Variants in LINGO2 observed in about 807,000 individuals in gnomAD.
The protein encoded by LINGO2 is leucine rich repeat and Ig domain containing 2.
In LINGO2, 14 loss-of-function variants were observed where a neutral mutation model predicts 30.6. The ratio of observed to expected loss-of-function variants is 0.46; its 90% CI spans 0.30 to 0.72. The LOEUF is 0.72. Among genes scored for constraint, LINGO2 ranks in the 30% least tolerant of loss-of-function variants. The pLI, the probability that LINGO2 is intolerant of heterozygous loss-of-function variation, is 0.07. For synonymous variants in LINGO2, 317 were observed against 288.5 expected, an observed-to-expected ratio of 1.10 and a Z score of -1.00; for missense variants, 729 against 751.7, an observed-to-expected ratio of 0.97 and a Z score of 0.35.
At chr9:28,263,666 C>T (rs1241515724) in intron 4 of LINGO2, among the ~76,000 whole-genome samples, 1 of 151,952 alleles carries the variant, frequency 6.6e-6, no homozygotes, top group Non-Finnish European at 1.5e-5. Flanking sequence ...GTCATAGCCA[C>T]GTATGTAGTG....
At chr9:28,026,501 T>TCA in intron 4 of LINGO2, among the ~76,000 whole-genome samples, 1 of 152,306 alleles carries the variant, frequency 6.6e-6, no homozygotes, top group Non-Finnish European at 1.5e-5. Context: ...GGTGCTGTAG[T>TCA]CACACTTTGA....
intron 3 of LINGO2, among the ~76,000 whole-genome samples, chr9:28,298,014 G>A (rs902502782): frequency 6.6e-6 from 1 of 152,140 alleles, no homozygotes; most frequent in Non-Finnish European, 1.5e-5. Context: ...TTAAATGCAT[G>A]TATTCTCCTT....
At chr9:29,072,609 T>A in the LINGO2 span, among the ~76,000 whole-genome samples, 1 of 118,322 alleles carries the variant, frequency 8.5e-6, no homozygotes, top group South Asian at 2.9e-4. Context: ...TATGTCTCTC[T>A]TTGATATATA....
chr9:28,439,616 T>C (rs1237889061), intron 2 of LINGO2, among the ~76,000 whole-genome samples: 2 of 152,066 alleles, frequency 1.3e-5, no homozygotes, highest in Admixed American at 6.6e-5. Context: ...CCCTTCACTC[T>C]CTCATCCTCC....
At chr9:29,014,357 C>G in the LINGO2 span, among the ~76,000 whole-genome samples, 4 of 152,276 alleles carry the variant, frequency 2.6e-5, no homozygotes, top group East Asian at 7.7e-4. Context: ...GACACCACTG[C>G]ACTTGCCTAT....
the LINGO2 span, among the ~76,000 whole-genome samples, chr9:29,044,378 T>C: frequency 6.6e-6 from 1 of 152,034 alleles, no homozygotes; most frequent in Non-Finnish European, 1.5e-5. Flanking sequence ...CATTAGTCTA[T>C]AGCAATAACC....
the LINGO2 span, among the ~76,000 whole-genome samples, chr9:28,778,333 T>C: frequency 6.6e-6 from 1 of 152,300 alleles, no homozygotes; most frequent in South Asian, 2.1e-4. Flanking sequence ...TGATTTTTTT[T>C]CTTATCAGTA....
At chr9:28,626,753 T>A (rs1826698130) in intron 1 of LINGO2, among the ~76,000 whole-genome samples, 1 of 152,046 alleles carries the variant, frequency 6.6e-6, no homozygotes. Flanking sequence ...CTTCACTGAT[T>A]GTTTTTTTCT....
chr9:29,030,882 C>T, the LINGO2 span, among the ~76,000 whole-genome samples: 1 of 152,116 alleles, frequency 6.6e-6, no homozygotes, highest in Non-Finnish European at 1.5e-5. Flanking sequence ...ATTTTTAAAA[C>T]ATTTAACATG....
intron 2 of LINGO2, among the ~76,000 whole-genome samples, chr9:28,423,162 T>C (rs1823272365): frequency 6.6e-6 from 1 of 152,224 alleles, no homozygotes; most frequent in African/African-American, 2.4e-5. Flanking sequence ...TACTTAAAAA[T>C]GGTTAAGGTG....
At chr9:28,183,314 G>A (rs576534866) in intron 4 of LINGO2, among the ~76,000 whole-genome samples, 1 of 152,106 alleles carries the variant, frequency 6.6e-6, no homozygotes, top group Non-Finnish European at 1.5e-5. Context: ...AGGGGTGGGG[G>A]GCGAGGGGAG....
intron 5 of LINGO2, among the ~76,000 whole-genome samples, chr9:27,971,310 A>T (rs1820342251): frequency 2.0e-5 from 3 of 151,650 alleles, no homozygotes; most frequent in Admixed American, 2.0e-4. Flanking sequence ...CCTCTCACCC[A>T]AAGTCTTAAG....
At chr9:28,060,701 G>A (rs1825116028) in intron 4 of LINGO2, among the ~76,000 whole-genome samples, 1 of 152,124 alleles carries the variant, frequency 6.6e-6, no homozygotes, top group Admixed American at 6.6e-5. Context: ...GCAAAGAAGT[G>A]TAATAGAATT....
chr9:28,861,099 A>AT, the LINGO2 span, among the ~76,000 whole-genome samples: 1 of 120,578 alleles, frequency 8.3e-6, no homozygotes, highest in South Asian at 2.2e-4. Flanking sequence ...AATTATATAA[A>AT]TATATAAAAT....
chr9:28,362,645 T>C (rs1210065921), intron 3 of LINGO2, among the ~76,000 whole-genome samples: 1 of 152,032 alleles, frequency 6.6e-6, no homozygotes, highest in African/African-American at 2.4e-5. Flanking sequence ...TAATTTTGTA[T>C]TTTTAGTAGA....
the LINGO2 span, among the ~76,000 whole-genome samples, chr9:28,987,492 CTTAGT>C: frequency 6.6e-6 from 1 of 151,860 alleles, no homozygotes; most frequent in Non-Finnish European, 1.5e-5. Flanking sequence ...AAAACCAACT[CTTAGT>C]TTATTGACCT....
intron 1 of LINGO2, among the ~76,000 whole-genome samples, chr9:28,532,933 C>G (rs147756432): frequency 1.1e-4 from 16 of 152,188 alleles, no homozygotes; most frequent in South Asian, 1.0e-3. Context: ...CCTTTGCACC[C>G]TGTTGATGAC....
chr9:29,017,911 C>T, the LINGO2 span, among the ~76,000 whole-genome samples: 2 of 151,858 alleles, frequency 1.3e-5, no homozygotes, highest in African/African-American at 4.8e-5. Flanking sequence ...GTAGAGGCCA[C>T]AGTCATGGTG....
the LINGO2 span, among the ~76,000 whole-genome samples, chr9:28,908,169 A>G: frequency 2.0e-5 from 3 of 151,644 alleles, no homozygotes; most frequent in Non-Finnish European, 4.4e-5. Flanking sequence ...ACACACACAC[A>G]CACATACAAA....
Sources: allele counts gnomAD v4.1 joint callset (sites outside exome capture counted in the v4.1 genomes callset), GRCh38; gene constraint gnomAD v4.1.1; transcripts MANE v1.5; gene names NCBI Gene and HGNC (gene_info 2026-07-23, HGNC 2026-07-21).